Variants in FAT3 observed in about 807,000 individuals in gnomAD.
FAT3 encodes protocadherin Fat 3.
FAT3 carries 95 observed loss-of-function variants against 310.2 expected under a neutral mutation model. The ratio of observed to expected loss-of-function variants is 0.31; its 90% CI spans 0.26 to 0.36. FAT3 has a LOEUF of 0.36. FAT3 is among the 10% of genes least tolerant of loss of function. The pLI is 1.00. For missense variants in FAT3, 5,408 were observed against 5,715.6 expected (o/e 0.95, Z 1.74); for synonymous variants, 2,314 against 2,192.9 (o/e 1.06, Z -1.54).
At chr11:92,401,906 A>G (rs1237848546) in intron 2 of FAT3, among the ~76,000 whole-genome samples, 1 of 152,224 alleles carries the variant, frequency 6.6e-6, no homozygotes, top group African/African-American at 2.4e-5. Context: ...TTCAGTGCCT[A>G]TTATCCTATA....
At chr11:92,369,819 C>T (rs1378534655) in intron 2 of FAT3, among the ~76,000 whole-genome samples, 7 of 152,068 alleles carry the variant, frequency 4.6e-5, no homozygotes, top group Admixed American at 4.6e-4. Flanking sequence ...TGCACTCCAG[C>T]CTGGTGACAG....
intron 1 of FAT3, among the ~76,000 whole-genome samples, chr11:92,342,982 C>G (rs546374658): frequency 6.6e-6 from 1 of 152,060 alleles, no homozygotes; most frequent in Non-Finnish European, 1.5e-5. Flanking sequence ...CTGATAGCCC[C>G]TGGTTGAATT....
In FAT3 at chr11:92,798,072, G is replaced by A. The variant is rs1336116818; in HGVS notation, c.5059G>A (p.Gly1687Arg). ...AGAAGTAAATGAAAATGTTGACATT[G>A]GAACATCAGTCATTCTAATCTCTGC... ...QAEVNENVDI[G>R]TSVILISAIS... The change falls in exon 10 of 28, where the codon GGA becomes AGA. Residue 1687 changes from glycine to arginine, a missense_variant. Coordinates refer to ENST00000525166, the MANE Select transcript of FAT3 (RefSeq NM_001367949.2). 3 of 1,613,824 alleles carry A rather than the reference G, an allele frequency of 1.9e-6. No individual in the cohort carries two copies. The highest frequency in any genetic ancestry group is 1.3e-5 in the African/African-American group (1 of 75,026).
intron 7 of FAT3, among the ~76,000 whole-genome samples, chr11:92,787,084 T>C (rs1008656183): frequency 6.6e-6 from 1 of 152,122 alleles, no homozygotes; most frequent in Non-Finnish European, 1.5e-5. Flanking sequence ...CTCCTCCAAG[T>C]GTTACAACCA....
intron 3 of FAT3, among the ~76,000 whole-genome samples, chr11:92,566,186 A>T (rs1390175315): frequency 6.6e-6 from 1 of 152,194 alleles, no homozygotes; most frequent in Non-Finnish European, 1.5e-5. Context: ...ACTTCAGCAT[A>T]GTCTCAGGAT....
intron 1 of FAT3, among the ~76,000 whole-genome samples, chr11:92,320,920 C>T (rs987043282): frequency 6.6e-6 from 1 of 151,514 alleles, no homozygotes; most frequent in Non-Finnish European, 1.5e-5. Context: ...GACCATTTTC[C>T]CCCTTTTTTC....
chr11:92,589,441 C>CAT (rs905720601), intron 3 of FAT3, among the ~76,000 whole-genome samples: 1 of 151,990 alleles, frequency 6.6e-6, no homozygotes, highest in Non-Finnish European at 1.5e-5. Context: ...AAAGCCACTC[C>CAT]ATATATATGT....
intron 2 of FAT3, among the ~76,000 whole-genome samples, chr11:92,410,330 G>A (rs1248638205): frequency 4.6e-5 from 7 of 151,986 alleles, no homozygotes; most frequent in Non-Finnish European, 7.4e-5. Context: ...GTGTGCACGC[G>A]AGTGAGAGAG....
chr11:92,547,195 A>G (rs979200107), intron 3 of FAT3, among the ~76,000 whole-genome samples: 2 of 152,150 alleles, frequency 1.3e-5, no homozygotes, highest in African/African-American at 2.4e-5. Context: ...AGCCAGTCTC[A>G]CCCTGCCTAA....
intron 3 of FAT3, among the ~76,000 whole-genome samples, chr11:92,630,263 T>TC (rs1454050030): frequency 6.6e-6 from 1 of 152,178 alleles, no homozygotes; most frequent in African/African-American, 2.4e-5. Flanking sequence ...AGCCCTTTGG[T>TC]CTCTTTGATG....
At chr11:92,433,042 AAAC>A (rs1950831863) in intron 2 of FAT3, among the ~76,000 whole-genome samples, 1 of 152,120 alleles carries the variant, frequency 6.6e-6, no homozygotes, top group Admixed American at 6.5e-5. Context: ...CGTGAAGGGA[AAAC>A]CACCTACTGA....
intron 3 of FAT3, among the ~76,000 whole-genome samples, chr11:92,613,167 C>G (rs760045069): frequency 2.0e-5 from 3 of 152,066 alleles, no homozygotes; most frequent in Non-Finnish European, 4.4e-5. Context: ...TTCATTCTGT[C>G]CATCCTAATA....
intron 1 of FAT3, among the ~76,000 whole-genome samples, chr11:92,258,514 A>G (rs1865404987): frequency 6.6e-6 from 1 of 152,086 alleles, no homozygotes; most frequent in African/African-American, 2.4e-5. Flanking sequence ...CAGCTGGGGA[A>G]CACAGAGATG....
chr11:92,513,400 A>G (rs1953372813), intron 2 of FAT3, among the ~76,000 whole-genome samples: 3 of 152,310 alleles, frequency 2.0e-5, no homozygotes, highest in East Asian at 3.9e-4. Context: ...GAAAAATAGT[A>G]TCTGTATGAT....
intron 3 of FAT3, among the ~76,000 whole-genome samples, chr11:92,661,582 A>G (rs770682481): frequency 2.0e-5 from 3 of 151,820 alleles, no homozygotes; most frequent in African/African-American, 4.8e-5. Context: ...GCATTCTGCT[A>G]TAATGCACTG....
Position 92,800,545 on chromosome 11 carries a change from C to G in FAT3, c.7532C>G (p.Ala2511Gly). Residue 2511 changes from alanine (A) to glycine (G), a missense_variant, in exon 10 of 28, where the codon GCA becomes GGA. Around this residue, in one of 5 missense-constraint regions of FAT3, gnomAD observed 4,588 missense variants for 4,809.8 expected, o/e 0.95. Coordinates refer to ENST00000525166, the MANE Select transcript of FAT3 (RefSeq NM_001367949.2). ...GCTGAGGTGAGAGAGAACGTGGCTG[C>G]AGGAACAAAGGTAATTCATGTTCGA... ...YVAEVRENVA[A>G]GTKVIHVRAT... 1 of 1,613,814 alleles carries G rather than the reference C, an allele frequency of 6.2e-7. No individual in the cohort carries two copies. Among genetic ancestry groups the G allele is most frequent in the Non-Finnish European group, 8.5e-7 (1 of 1,179,850 alleles).
chr11:92,434,302 A>G (rs1950876784), intron 2 of FAT3, among the ~76,000 whole-genome samples: 1 of 152,176 alleles, frequency 6.6e-6, no homozygotes, highest in African/African-American at 2.4e-5. Context: ...TCCCATGTAC[A>G]GCTGTTTACA....
At chr11:92,317,027 A>G (rs144646803) in intron 1 of FAT3, among the ~76,000 whole-genome samples, 1 of 152,292 alleles carries the variant, frequency 6.6e-6, no homozygotes, top group East Asian at 1.9e-4. Flanking sequence ...GAATCTTGAC[A>G]TGTTATTAGA....
intron 3 of FAT3, among the ~76,000 whole-genome samples, chr11:92,610,510 T>A (rs1416423285): frequency 2.6e-5 from 4 of 152,170 alleles, no homozygotes; most frequent in Non-Finnish European, 5.9e-5. Context: ...TAGGCCCAAC[T>A]TCCTTTTTTA....
Sources: gnomAD v4.1 joint callset for allele counts (sites outside exome capture counted in the v4.1 genomes callset) on GRCh38, gnomAD v4.1.1 for gene constraint, gnomAD v4.1.1 regional missense constraint, MANE v1.5 for transcripts, NCBI Gene and HGNC (gene_info 2026-07-23, HGNC 2026-07-21) for gene names.